The following IRAK2 variants were observed in gnomAD, a reference collection of about 807,000 sequenced individuals.
IRAK2 encodes the protein interleukin-1 receptor-associated kinase-like 2.
IRAK2 carries 57 observed loss-of-function variants against 72.0 expected under a neutral mutation model. The observed-to-expected ratio is 0.79, with a 90% CI of 0.64 to 0.99. The LOEUF is 0.99. Among genes scored for constraint, IRAK2 ranks in the 50% least tolerant of loss-of-function variants. The probability of loss-of-function intolerance (pLI) is 0.00; values close to 1 mark genes in which losing one functional copy is unlikely to be tolerated. For missense variants in IRAK2, 790 were observed against 794.4 expected (o/e 0.99, Z 0.07); for synonymous variants, 293 against 312.7 (o/e 0.94, Z 0.67).
At chr3:10,215,866 C>A (rs1697598223) in intron 6 of IRAK2, among the ~76,000 whole-genome samples, 1 of 152,132 alleles carries the variant, frequency 6.6e-6, no homozygotes, top group Non-Finnish European at 1.5e-5. Context: ...GCAGTCACTC[C>A]TTCATTCATT....
At position 10,209,618 on chromosome 3, in the gene IRAK2, G is replaced by A. The variant is rs764240479; in HGVS notation, c.454G>A (p.Ala152Thr). 5.1e-6 allele frequency: 8 copies of A among 1,568,276 alleles called. No homozygotes were observed. Among genetic ancestry groups the A allele is most frequent in the Non-Finnish European group, 4.3e-6 (5 of 1,159,518 alleles). Reference protein sequence around the residue: ...GSSPARAHQPAFLQPPEEDAP... With the variant: ...GSSPARAHQPTFLQPPEEDAP... Reference sequence around the variant, plus strand: ...CTCTCCAGCCAGAGCCCACCAGCCGGCCTTTCTCCAGCCTCCTGAAGAAGA... The same window carrying A: ...CTCTCCAGCCAGAGCCCACCAGCCGACCTTTCTCCAGCCTCCTGAAGAAGA... The change falls in exon 4 of 13, where the codon GCC becomes ACC. Residue 152 changes from alanine (A) to threonine (T), a missense_variant. Coordinates refer to ENST00000256458, the MANE Select transcript of IRAK2 (RefSeq NM_001570.4).
intron 9 of IRAK2, among the ~76,000 whole-genome samples, chr3:10,223,539 G>T (rs946433030): frequency 6.6e-6 from 1 of 152,232 alleles, no homozygotes; most frequent in South Asian, 2.1e-4. Context: ...GACAGGCTTG[G>T]AAATATTGCA....
intron 1 of IRAK2, among the ~76,000 whole-genome samples, chr3:10,171,482 T>C (rs1696793501): frequency 6.6e-6 from 1 of 152,156 alleles, no homozygotes; most frequent in South Asian, 2.1e-4. Context: ...CAGGAGGCTG[T>C]GCCATCCCTG....
At chr3:10,217,681 G>A (rs937881255) in intron 7 of IRAK2, among the ~76,000 whole-genome samples, 1 of 152,188 alleles carries the variant, frequency 6.6e-6, no homozygotes, top group African/African-American at 2.4e-5. Flanking sequence ...ATTATATCAT[G>A]TGAAGGTAAT....
Position 10,222,761 on chromosome 3 carries a change from C to T in IRAK2, c.1139C>T (p.Ala380Val), listed in dbSNP as rs371881199. 11 of 1,614,196 alleles carry T rather than the reference C, an allele frequency of 6.8e-6. No homozygotes were observed. In the South Asian group the frequency reaches 9.9e-5, roughly 15 times the overall value. Residue 380 changes from alanine to valine, a missense_variant, in exon 9 of 13, where the codon GCG becomes GTG. Transcript: ENST00000256458. ...ACTCACCTGCTCCGGACGTCAGCCG[C>T]GTATCTGCCAGAGGATTTCATCCGG... ...MKTHLLRTSA[A>V]YLPEDFIRVG...
chr3:10,193,004 T>G (rs1457932869), intron 2 of IRAK2, among the ~76,000 whole-genome samples: 2 of 152,156 alleles, frequency 1.3e-5, no homozygotes, highest in East Asian at 1.9e-4. Flanking sequence ...ACATCTCATT[T>G]GTCGGATGAG....
chr3:10,198,483 G>C (rs1279574754), intron 2 of IRAK2, among the ~76,000 whole-genome samples: 4 of 152,208 alleles, frequency 2.6e-5, no homozygotes, highest in Admixed American at 2.0e-4. Flanking sequence ...CTGGGTGGGA[G>C]ACAGTGAAAC....
chr3:10,206,664 T>C (rs888090022), intron 3 of IRAK2, among the ~76,000 whole-genome samples: 1 of 152,174 alleles, frequency 6.6e-6, no homozygotes, highest in Non-Finnish European at 1.5e-5. Context: ...TAAGCGATTC[T>C]TGTGCCTCAG....
chr3:10,200,040 AC>A (rs1697331826), intron 2 of IRAK2, among the ~76,000 whole-genome samples: 1 of 151,962 alleles, frequency 6.6e-6, no homozygotes, highest in African/African-American at 2.4e-5. Flanking sequence ...GCCGTGTGCC[AC>A]CATGCCCAAC....
chr3:10,241,322 G>A (rs1271451636), intron 12 of IRAK2, among the ~76,000 whole-genome samples: 1 of 151,784 alleles, frequency 6.6e-6, no homozygotes, highest in African/African-American at 2.4e-5. Flanking sequence ...CACTTTGGGA[G>A]GCTGAGGCGG....
At chr3:10,221,485 C>T (rs1342441249) in intron 8 of IRAK2, among the ~76,000 whole-genome samples, 2 of 151,534 alleles carry the variant, frequency 1.3e-5, no homozygotes, top group East Asian at 4.0e-4. Context: ...GATCTCCTGA[C>T]CTCGTGATCC....
chr3:10,169,612 C>T (rs978168065), intron 1 of IRAK2, among the ~76,000 whole-genome samples: 3 of 152,196 alleles, frequency 2.0e-5, no homozygotes, highest in African/African-American at 4.8e-5. Context: ...GTTATCTTCC[C>T]TTGTTCCCTG....
At chr3:10,213,636 A>G (rs920982521) in intron 6 of IRAK2, 88 bp downstream of exon 6, 10 of 967,060 alleles carry the variant, frequency 1.0e-5, no homozygotes, top group African/African-American at 3.2e-5. Flanking sequence ...GCACTCTATT[A>G]TATATAAACT....
At chr3:10,214,721 G>T (rs1342759855) in intron 6 of IRAK2, among the ~76,000 whole-genome samples, 1 of 151,928 alleles carries the variant, frequency 6.6e-6, no homozygotes, top group Non-Finnish European at 1.5e-5. Flanking sequence ...GAGGCAAGAG[G>T]ATTCCTTGAG....
At chr3:10,209,099 A>G (rs11465886) in intron 3 of IRAK2, among the ~76,000 whole-genome samples, 11,828 of 151,954 alleles carry the variant, frequency 0.078, 1,002 homozygotes, top group African/African-American at 0.21. Flanking sequence ...CCAGCCTGTT[A>G]TGGTCTCTCC....
chr3:10,195,320 G>A (rs552201474), intron 2 of IRAK2, among the ~76,000 whole-genome samples: 15 of 152,190 alleles, frequency 9.9e-5, no homozygotes, highest in Non-Finnish European at 1.6e-4. Flanking sequence ...ACTTTGGGAG[G>A]ACAAGGTGGG....
At chr3:10,203,220 C>T (rs191093625) in intron 3 of IRAK2, among the ~76,000 whole-genome samples, 1 of 152,082 alleles carries the variant, frequency 6.6e-6, no homozygotes, top group East Asian at 1.9e-4. Flanking sequence ...TGGTCTTGAA[C>T]TCCTGGGCTC....
At chr3:10,215,731 T>C (rs1265795014) in intron 6 of IRAK2, among the ~76,000 whole-genome samples, 1 of 144,650 alleles carries the variant, frequency 6.9e-6, no homozygotes, top group Non-Finnish European at 1.5e-5. Context: ...TTCATACATG[T>C]ATATGAATAC....
Sources: gnomAD v4.1 joint callset for allele counts (sites outside exome capture counted in the v4.1 genomes callset) on GRCh38, gnomAD v4.1.1 for gene constraint, MANE v1.5 for transcripts, NCBI Gene and HGNC (gene_info 2026-07-23, HGNC 2026-07-21) for gene names.